The following DYDC1 variants were observed in gnomAD, a reference collection of about 807,000 sequenced individuals.
DYDC1 encodes the protein DPY30 domain containing 1.
Under a neutral mutation model 27.9 loss-of-function variants are expected in DYDC1, and 21 were observed. That is an observed-to-expected ratio of 0.75 (90% CI 0.53 to 1.08). DYDC1 has a LOEUF of 1.08. Among genes scored for constraint, DYDC1 ranks in the 50% least tolerant of loss-of-function variants. The pLI, the probability that DYDC1 is intolerant of heterozygous loss-of-function variation, is 0.00. For synonymous variants in DYDC1, 67 were observed against 65.8 expected (o/e 1.02, Z -0.09); for missense variants, 202 against 205.9 (o/e 0.98, Z 0.12).
chr10:80,341,967 T>A (rs534590570), intron 4 of DYDC1, among the ~76,000 whole-genome samples: 2 of 145,214 alleles, frequency 1.4e-5, no homozygotes, highest in East Asian at 4.0e-4. Context: ...GAGGTTGCAG[T>A]GAACCGAGAT....
At position 80,336,273 on chromosome 10, in the gene DYDC1, C is replaced by G. The variant is rs1035476972; in HGVS notation, c.505-88G>C. On this transcript the variant is annotated intron_variant, in intron 6 of 6. Transcript: ENST00000372202. ...CAAAGAAATAAACTTTAGGTAACTTCTATGTGACTACATGAATGAAACTTT... is the reference window on the plus strand; with the variant it reads ...CAAAGAAATAAACTTTAGGTAACTTGTATGTGACTACATGAATGAAACTTT... 31 of 1,452,028 alleles carry G rather than the reference C, an allele frequency of 2.1e-5. No individual in the cohort carries two copies. In the African/African-American group the frequency reaches 4.4e-4, roughly 21 times the overall value. The allele number at this position is 1,452,028 out of a possible 1,614,324, so 89.9% of individuals were successfully genotyped here. A position where few individuals can be genotyped will look rare whatever the true frequency, so the allele number is the denominator to read the frequency against.
intron 3 of DYDC1, among the ~76,000 whole-genome samples, chr10:80,343,976 C>T (rs529967189): frequency 5.3e-5 from 8 of 152,074 alleles, no homozygotes; most frequent in South Asian, 2.1e-4. Flanking sequence ...AAAAATTACG[C>T]GTGGTAGCAG....
At chr10:80,352,099 G>T in intron 2 of DYDC1, 97 bp from the exon 3 acceptor site, 1 of 1,137,262 alleles carries the variant, frequency 8.8e-7, no homozygotes, top group Non-Finnish European at 1.3e-6. Context: ...ATTAGGGAAA[G>T]TGTTAAGCAA....
At chr10:80,348,605 C>CTG (rs1374179748) in intron 3 of DYDC1, among the ~76,000 whole-genome samples, 1 of 152,162 alleles carries the variant, frequency 6.6e-6, no homozygotes. Context: ...GTTTGTAAGG[C>CTG]CTCAACGTAA....
At chr10:80,354,811 G>C (rs1465415722) in intron 1 of DYDC1, among the ~76,000 whole-genome samples, 1 of 152,128 alleles carries the variant, frequency 6.6e-6, no homozygotes, top group African/African-American at 2.4e-5. Flanking sequence ...CCAATGCCTT[G>C]ATTTTAGACT....
At chr10:80,339,922 T>C (rs1006524555) in intron 4 of DYDC1, among the ~76,000 whole-genome samples, 4 of 152,200 alleles carry the variant, frequency 2.6e-5, no homozygotes, top group Non-Finnish European at 5.9e-5. Flanking sequence ...TCCATATTCT[T>C]ATAGGACTAT....
intron 6 of DYDC1, chr10:80,337,290 G>T: frequency 2.0e-6 from 2 of 985,432 alleles, no homozygotes; most frequent in Non-Finnish European, 2.4e-6. Context: ...AATCCATTTT[G>T]TTCATTGGCA....
chr10:80,354,663 G>T (rs540018071), intron 1 of DYDC1, among the ~76,000 whole-genome samples: 31 of 152,062 alleles, frequency 2.0e-4, no homozygotes, highest in Non-Finnish European at 2.9e-4. Context: ...TCATTAGTGT[G>T]GAGCCGTCAT....
chr10:80,349,584 T>C (rs1348110240), intron 3 of DYDC1, among the ~76,000 whole-genome samples: 2 of 152,220 alleles, frequency 1.3e-5, no homozygotes, highest in Non-Finnish European at 2.9e-5. Context: ...TTATCACTAC[T>C]AAGATAAAAG....
intron 4 of DYDC1, among the ~76,000 whole-genome samples, chr10:80,340,232 A>G (rs1237785575): frequency 6.6e-6 from 1 of 152,228 alleles, no homozygotes; most frequent in African/African-American, 2.4e-5. Context: ...AGTCCTTCAC[A>G]GTTTATGTGT....
intron 1 of DYDC1, among the ~76,000 whole-genome samples, chr10:80,355,404 A>T (rs1843305504): frequency 6.6e-6 from 1 of 152,028 alleles, no homozygotes; most frequent in Admixed American, 6.5e-5. Context: ...AAATGGTATA[A>T]CTCCTATGGA....
intron 2 of DYDC1, among the ~76,000 whole-genome samples, chr10:80,352,220 G>A (rs1046380172): frequency 3.9e-5 from 6 of 152,164 alleles, no homozygotes; most frequent in East Asian, 1.9e-4. Flanking sequence ...GTACATAAAC[G>A]TAAATCTATA....
At chr10:80,356,156 C>G (rs1331302991) in intron 1 of DYDC1, 1 of 809,512 alleles carries the variant, frequency 1.2e-6, no homozygotes, top group East Asian at 1.3e-4. Flanking sequence ...CAGTGGGACC[C>G]AGGCAAGGCC....
rs1032729095 is a variant in DYDC1, at chr10:80,346,444, C to CTTTTTTTTTTTTTT, written c.250-4097_250-4084dup. On this transcript the variant is annotated intron_variant, in intron 3 of 6. Transcript: ENST00000372202. ...TCACCAATGTGTGTCTCTTCCCTTT[C>CTTTTTTTTTTTTTT]TTTTTTTTTTTTTTTTTTTTTTTTT... Among the ~76,000 whole-genome samples, 719 of 83,360 alleles carry CTTTTTTTTTTTTTT rather than the reference C, an allele frequency of 8.6e-3. 106 individuals carry two copies. Among genetic ancestry groups the CTTTTTTTTTTTTTT allele is most frequent in the African/African-American group, 0.021 (426 of 20,106 alleles). 54.7% of individuals were successfully genotyped at this position (83,360 alleles called of 152,430 possible). A position where few individuals can be genotyped will look rare whatever the true frequency, so the allele number is the denominator to read the frequency against.
At chr10:80,346,950 G>T (rs1842680050) in intron 3 of DYDC1, among the ~76,000 whole-genome samples, 1 of 151,880 alleles carries the variant, frequency 6.6e-6, no homozygotes, top group Non-Finnish European at 1.5e-5. Flanking sequence ...TGTGGTGGCG[G>T]GTGCCTGTAA....
At chr10:80,356,590 G>A in intron 1 of DYDC1, 122 bp downstream of exon 1, 1 of 985,474 alleles carries the variant, frequency 1.0e-6, no homozygotes, top group Non-Finnish European at 1.2e-6. Context: ...GCCTCTCTCC[G>A]CCTCAGGTGA....
intron 1 of DYDC1, among the ~76,000 whole-genome samples, chr10:80,355,094 C>T (rs1434893183): frequency 1.4e-5 from 2 of 141,284 alleles, no homozygotes; most frequent in Non-Finnish European, 3.1e-5. Context: ...CTTACATTTA[C>T]TGAAAAAAAA....
intron 3 of DYDC1, among the ~76,000 whole-genome samples, chr10:80,349,695 T>C (rs774349094): frequency 6.6e-6 from 1 of 152,210 alleles, no homozygotes; most frequent in Non-Finnish European, 1.5e-5. Context: ...TAATGCAAAG[T>C]GTATTTGTTA....
chr10:80,346,037 G>A (rs1402804980), intron 3 of DYDC1, among the ~76,000 whole-genome samples: 1 of 152,032 alleles, frequency 6.6e-6, no homozygotes, highest in East Asian at 1.9e-4. Context: ...TTCTAGAGAT[G>A]AGGTCTCCCT....
Sources: allele counts gnomAD v4.1 joint callset (sites outside exome capture counted in the v4.1 genomes callset), GRCh38; gene constraint gnomAD v4.1.1; transcripts MANE v1.5; gene names NCBI Gene and HGNC (gene_info 2026-07-23, HGNC 2026-07-21).